Variants in STARD13 observed in about 807,000 individuals in gnomAD.
STARD13 encodes the protein stAR-related lipid transfer protein 13.
A neutral mutation model predicts 106.4 loss-of-function variants in STARD13; 62 were observed. That is an observed-to-expected ratio of 0.58 (90% CI 0.48 to 0.72). The LOEUF is 0.72. Among genes scored for constraint, STARD13 ranks in the 30% least tolerant of loss-of-function variants. The pLI, the probability that STARD13 is intolerant of heterozygous loss-of-function variation, is 0.00. For synonymous variants in STARD13, 565 were observed against 553.0 expected, an observed-to-expected ratio of 1.02 and a Z score of -0.31; for missense variants, 1,387 against 1,424.0, an observed-to-expected ratio of 0.97 and a Z score of 0.42.
At chr13:33,303,133 G>A (rs1682964650) in intron 1 of STARD13, among the ~76,000 whole-genome samples, 1 of 152,060 alleles carries the variant, frequency 6.6e-6, no homozygotes. Flanking sequence ...TACCTTCCCA[G>A]GCCCCTCATG....
intron 4 of STARD13, among the ~76,000 whole-genome samples, chr13:33,140,435 C>T (rs376677918): frequency 4.5e-4 from 69 of 152,350 alleles, no homozygotes; most frequent in Admixed American, 3.5e-3. Flanking sequence ...GGGGTCTATT[C>T]AGTCAGACAG....
intron 1 of STARD13, among the ~76,000 whole-genome samples, chr13:33,246,289 A>C (rs1889819411): frequency 6.6e-6 from 1 of 152,182 alleles, no homozygotes; most frequent in South Asian, 2.1e-4. Flanking sequence ...CAAAAGAGGA[A>C]AGCACTACCA....
chr13:33,247,485 TC>T (rs1323594797), intron 1 of STARD13, among the ~76,000 whole-genome samples: 5 of 83,722 alleles, frequency 6.0e-5, no homozygotes, highest in Non-Finnish European at 1.5e-4. Context: ...CAGTGCCCTC[TC>T]ATTTTTTGGA....
chr13:33,132,156 G>T (rs796118320), intron 4 of STARD13, among the ~76,000 whole-genome samples: 3 of 152,182 alleles, frequency 2.0e-5, no homozygotes, highest in African/African-American at 7.2e-5. Context: ...GTGAAAGCGA[G>T]TACAAAGCCA....
rs1892018085 is a variant in STARD13, at chr13:33,285,601, C to A, written c.38G>T (p.Cys13Phe). Residue 13 changes from cysteine to phenylalanine, a missense_variant, in exon 1 of 14, where the codon TGC (cysteine) becomes TTC (phenylalanine). By Grantham distance (205) the Cys-to-Phe change is radical (BLOSUM62 -2). Transcript: ENST00000336934. ...SQVPRTPASG[C>F]YYLNSMTPEG... ...AGGTGTCATGGAATTTAGGTAGTAG[C>A]AGCCTGAGGCTGGGGTCCTGGGCAC... The A allele has an allele frequency of 6.2e-7, 1 of 1,613,676 alleles. No homozygotes were observed. Among genetic ancestry groups the A allele is most frequent in the East Asian group, 2.2e-5 (1 of 44,868 alleles).
the STARD13 span, among the ~76,000 whole-genome samples, chr13:33,389,855 A>G: frequency 3.9e-5 from 6 of 152,180 alleles, no homozygotes; most frequent in Admixed American, 2.6e-4. Context: ...AAGCAAGAAT[A>G]TCCTGTAATT....
upstream of STARD13, among the ~76,000 whole-genome samples, chr13:33,287,877 C>T (rs4436660): frequency 2.0e-4 from 31 of 152,052 alleles, 1 homozygote; most frequent in South Asian, 6.2e-3. Flanking sequence ...GAACATTGAA[C>T]ATGTTCTGGG....
intron 10 of STARD13, 114 bp downstream of exon 10, chr13:33,111,664 T>G (rs1388874842): frequency 4.4e-6 from 3 of 682,810 alleles, no homozygotes; most frequent in Non-Finnish European, 7.8e-6. Flanking sequence ...ACATATACTA[T>G]TGTCATAAAA....
chr13:33,269,793 GAAGA>G (rs1891070356), intron 1 of STARD13, among the ~76,000 whole-genome samples: 1 of 152,128 alleles, frequency 6.6e-6, no homozygotes, highest in Non-Finnish European at 1.5e-5. Flanking sequence ...TGAAAAATGA[GAAGA>G]AAGAAAAATG....
At chr13:33,417,399 G>T in the STARD13 span, among the ~76,000 whole-genome samples, 2 of 152,152 alleles carry the variant, frequency 1.3e-5, no homozygotes, top group Admixed American at 1.3e-4. Context: ...ACTAACGAAA[G>T]AAATGTCTTT....
At chr13:33,600,346 C>A in the STARD13 span, among the ~76,000 whole-genome samples, 2 of 152,116 alleles carry the variant, frequency 1.3e-5, no homozygotes, top group Admixed American at 1.3e-4. Flanking sequence ...TTAAGACAAT[C>A]AAAAAATTTA....
At chr13:33,368,089 C>T in the STARD13 span, among the ~76,000 whole-genome samples, 25 of 152,188 alleles carry the variant, frequency 1.6e-4, no homozygotes, top group African/African-American at 5.5e-4. Flanking sequence ...CAGTCTCTCC[C>T]CCTTACTTCA....
chr13:33,365,270 A>G, the STARD13 span, among the ~76,000 whole-genome samples: 2 of 152,142 alleles, frequency 1.3e-5, no homozygotes, highest in Admixed American at 1.3e-4. Context: ...TGAGGCTCCT[A>G]ATAGAGAAAT....
At chr13:33,503,700 G>A in the STARD13 span, among the ~76,000 whole-genome samples, 1 of 152,182 alleles carries the variant, frequency 6.6e-6, no homozygotes, top group Admixed American at 6.5e-5. Context: ...TTTTAAGTGA[G>A]TTTCTTAATC....
chr13:33,637,674 A>G, the STARD13 span, among the ~76,000 whole-genome samples: 1 of 152,342 alleles, frequency 6.6e-6, no homozygotes, highest in African/African-American at 2.4e-5. Context: ...AGCAGTTCAC[A>G]CTTACTATTT....
chr13:33,392,058 CAG>C, the STARD13 span, among the ~76,000 whole-genome samples: 82 of 152,212 alleles, frequency 5.4e-4, 1 homozygote, highest in African/African-American at 1.8e-3. Context: ...GGTGGTGAAA[CAG>C]AGAGAGAAAT....
At chr13:33,281,102 G>A (rs531008497) in intron 1 of STARD13, 2 of 152,182 alleles carry the variant, frequency 1.3e-5, no homozygotes, top group East Asian at 1.9e-4. Flanking sequence ...TAACCACAGA[G>A]AGGATTCCAG....
chr13:33,464,024 C>CATATATATATATATATATATATAT, the STARD13 span, among the ~76,000 whole-genome samples: 215 of 111,400 alleles, frequency 1.9e-3, no homozygotes, highest in East Asian at 3.5e-3. Flanking sequence ...AAAAAAAATA[C>CATATATATATATATATATATATAT]ATATATATAT....
At chr13:33,573,990 AAAAG>A in the STARD13 span, among the ~76,000 whole-genome samples, 1 of 152,218 alleles carries the variant, frequency 6.6e-6, no homozygotes, top group Non-Finnish European at 1.5e-5. Context: ...GATAAAATTA[AAAAG>A]AAAGCTTGAA....
Sources: gnomAD v4.1 joint callset for allele counts (sites outside exome capture counted in the v4.1 genomes callset) on GRCh38, gnomAD v4.1.1 for gene constraint, MANE v1.5 for transcripts, NCBI Gene and HGNC (gene_info 2026-07-23, HGNC 2026-07-21) for gene names.